The following AUH variants were observed in gnomAD, a reference collection of about 807,000 sequenced individuals.
The protein encoded by AUH is AU RNA binding methylglutaconyl-CoA hydratase, also known as methylglutaconyl-CoA hydratase, mitochondrial.
A neutral mutation model predicts 42.3 loss-of-function variants in AUH; 29 were observed. The observed-to-expected ratio is 0.69, with a 90% CI of 0.51 to 0.93. The LOEUF (loss-of-function observed/expected upper bound fraction) is 0.93. Ranked by LOEUF, AUH falls within the 40% of genes least tolerant of loss-of-function variation. The probability of loss-of-function intolerance (pLI) is 0.00; values close to 1 mark genes in which losing one functional copy is unlikely to be tolerated. For synonymous variants in AUH, 174 were observed against 166.4 expected, an observed-to-expected ratio of 1.05 and a Z score of -0.35; for missense variants, 452 against 438.1, an observed-to-expected ratio of 1.03 and a Z score of -0.28.
chr9:91,216,542 C>G (rs1031704075), intron 8 of AUH, among the ~76,000 whole-genome samples: 16 of 151,834 alleles, frequency 1.1e-4, no homozygotes, highest in African/African-American at 3.9e-4. Flanking sequence ...TTAAATAAAC[C>G]AATCAAATAC....
chr9:91,214,155 G>C lies in AUH; in HGVS notation c.*193C>G. 1.7e-6 allele frequency: 1 copy of C among 575,408 alleles called. No individual in the cohort carries two copies. The highest frequency in any genetic ancestry group is 3.1e-6 in the Non-Finnish European group (1 of 319,134). The allele number at this position is 575,408 out of a possible 1,614,324, so 35.6% of individuals were successfully genotyped here. A position where few individuals can be genotyped will look rare whatever the true frequency, so the allele number is the denominator to read the frequency against. ...TATACACTACTAGCTTTATAAATCT[G>C]AATGAATATGACATTTACACATTTG... is the stretch of plus-strand genomic sequence containing the variant. On this transcript the variant is annotated 3_prime_UTR_variant, in exon 10 of 10. Transcript: ENST00000375731.
intron 6 of AUH, among the ~76,000 whole-genome samples, chr9:91,262,183 G>C (rs367653180): frequency 9.2e-5 from 14 of 152,044 alleles, no homozygotes; most frequent in African/African-American, 3.4e-4. Flanking sequence ...AGATAAATTC[G>C]AGTTAACTAA....
chr9:91,223,863 C>T (rs1777625815), intron 6 of AUH, among the ~76,000 whole-genome samples: 1 of 152,126 alleles, frequency 6.6e-6, no homozygotes, highest in Admixed American at 6.6e-5. Flanking sequence ...TTGAAACTTG[C>T]ATCTGTTTTG....
At chr9:91,342,134 A>C (rs1038317018) in intron 3 of AUH, among the ~76,000 whole-genome samples, 1 of 152,238 alleles carries the variant, frequency 6.6e-6, no homozygotes. Context: ...CAGAAGTCTA[A>C]AATGGGTTGG....
intron 4 of AUH, among the ~76,000 whole-genome samples, chr9:91,304,913 AC>A (rs1165322739): frequency 6.6e-6 from 1 of 152,240 alleles, no homozygotes; most frequent in Non-Finnish European, 1.5e-5. Context: ...GTCTCCACTT[AC>A]GTGCAGTTTC....
chr9:91,345,355 A>G (rs1831417026), intron 3 of AUH, among the ~76,000 whole-genome samples: 1 of 152,228 alleles, frequency 6.6e-6, no homozygotes, highest in African/African-American at 2.4e-5. Context: ...AGGTTGCAGG[A>G]TACAAAGACA....
At chr9:91,316,382 T>C (rs1829158777) in intron 4 of AUH, among the ~76,000 whole-genome samples, 1 of 152,244 alleles carries the variant, frequency 6.6e-6, no homozygotes, top group Non-Finnish European at 1.5e-5. Context: ...TATCCCTCTA[T>C]GTAAATACCC....
At chr9:91,228,684 G>A (rs1159798047) in intron 6 of AUH, among the ~76,000 whole-genome samples, 1 of 148,264 alleles carries the variant, frequency 6.7e-6, no homozygotes, top group African/African-American at 2.5e-5. Context: ...TTCTCTTGTG[G>A]GCATTTAGTG....
In AUH at chr9:91,300,969, A is replaced by G. The variant is rs576419888; in HGVS notation, c.506-2893T>C. 2.3e-4 allele frequency among the ~76,000 whole-genome samples: 35 copies of G among 152,336 alleles called. No individual in the cohort carries two copies. The East Asian group carries it at 4.8e-3, about 21-fold the overall frequency. Reference sequence around the variant, plus strand: ...CAGCCCATATGAAACAAAAATTAACATCACATCAATGCTACTCAATAACGT... The same window carrying G: ...CAGCCCATATGAAACAAAAATTAACGTCACATCAATGCTACTCAATAACGT... On this transcript the variant is annotated intron_variant, in intron 4 of 9. Transcript: ENST00000375731.
chr9:91,254,751 T>A (rs901977697), intron 6 of AUH, among the ~76,000 whole-genome samples: 4 of 152,226 alleles, frequency 2.6e-5, no homozygotes, highest in African/African-American at 9.6e-5. Flanking sequence ...ACACTGAACA[T>A]CATTTTCCTA....
chr9:91,338,486 A>G (rs1198218296), intron 3 of AUH, among the ~76,000 whole-genome samples: 1 of 152,222 alleles, frequency 6.6e-6, no homozygotes, highest in Non-Finnish European at 1.5e-5. Context: ...GCTGGAGCGC[A>G]ATGGCGCGAT....
intron 6 of AUH, among the ~76,000 whole-genome samples, chr9:91,281,992 G>A (rs928622144): frequency 6.6e-6 from 1 of 152,082 alleles, no homozygotes; most frequent in Admixed American, 6.6e-5. Flanking sequence ...AAAACCTACG[G>A]TGAGCCCCCT....
chr9:91,346,217 C>T (rs1320975867), intron 3 of AUH, among the ~76,000 whole-genome samples: 1 of 152,066 alleles, frequency 6.6e-6, no homozygotes, highest in African/African-American at 2.4e-5. Context: ...AAGCCATGAT[C>T]AGAGGGTTAG....
chr9:91,235,750 T>C (rs574753784), intron 6 of AUH, among the ~76,000 whole-genome samples: 1 of 152,310 alleles, frequency 6.6e-6, no homozygotes, highest in South Asian at 2.1e-4. Flanking sequence ...AATAAAGCTA[T>C]GTCTGCAGGG....
chr9:91,299,136 G>A (rs148322882), intron 4 of AUH, among the ~76,000 whole-genome samples: 3 of 152,192 alleles, frequency 2.0e-5, no homozygotes, highest in Admixed American at 6.5e-5. Flanking sequence ...GGAGAATCGC[G>A]TAAACCCAGG....
intron 4 of AUH, among the ~76,000 whole-genome samples, chr9:91,312,064 G>A (rs982407126): frequency 6.7e-6 from 1 of 149,340 alleles, no homozygotes; most frequent in African/African-American, 2.5e-5. Context: ...GGATTTTACT[G>A]TTTAAGAACA....
intron 3 of AUH, among the ~76,000 whole-genome samples, chr9:91,337,615 T>C (rs965053810): frequency 3.3e-5 from 5 of 152,312 alleles, no homozygotes; most frequent in African/African-American, 1.2e-4. Flanking sequence ...CCAACCCATA[T>C]ATAAAGCTGG....
intron 6 of AUH, among the ~76,000 whole-genome samples, chr9:91,268,633 T>C (rs184605720): frequency 1.3e-5 from 2 of 152,284 alleles, no homozygotes; most frequent in East Asian, 3.9e-4. Flanking sequence ...TTTCACCGTG[T>C]TGCCCAGGCT....
chr9:91,218,995 G>A (rs541674388), intron 7 of AUH: 1 of 985,430 alleles, frequency 1.0e-6, no homozygotes, highest in African/African-American at 1.7e-5. Flanking sequence ...ACATTCTGAA[G>A]GAGTGTCCTT....
Sources: allele counts gnomAD v4.1 joint callset (sites outside exome capture counted in the v4.1 genomes callset), GRCh38; gene constraint gnomAD v4.1.1; transcripts MANE v1.5; gene names NCBI Gene and HGNC (gene_info 2026-07-23, HGNC 2026-07-21).